EDA: variants seen among roughly 807,000 people sequenced by gnomAD.
The protein encoded by EDA is ectodysplasin A.
In EDA, 2 loss-of-function variants were observed where a neutral mutation model predicts 23.6. That is an observed-to-expected ratio of 0.08 (90% confidence interval 0.03 to 0.27). The LOEUF is 0.27. EDA is among the 10% of genes least tolerant of loss of function. EDA has a pLI of 1.00. For synonymous variants in EDA, 131 were observed against 132.0 expected (o/e 0.99, Z 0.05); for missense variants, 229 against 324.2 (o/e 0.71, Z 2.26).
chrX:69,815,715 G>A (rs1171830978), intron 1 of EDA, among the ~76,000 whole-genome samples: 3 of 112,063 alleles, frequency 2.7e-5, no homozygotes, highest in Non-Finnish European at 5.6e-5. Flanking sequence ...GCATAGGGGC[G>A]GCTGCCACCT....
intron 1 of EDA, among the ~76,000 whole-genome samples, chrX:69,732,939 A>T (rs1222284829): frequency 2.7e-5 from 3 of 109,881 alleles, no homozygotes; most frequent in African/African-American, 1.0e-4. Flanking sequence ...CCACTTTTTG[A>T]TGGGGTTGTT....
intron 1 of EDA, among the ~76,000 whole-genome samples, chrX:69,736,175 G>A (rs1160014703): frequency 3.7e-5 from 4 of 109,461 alleles, no homozygotes; most frequent in Admixed American, 1.9e-4. Flanking sequence ...GCGTGGTGGC[G>A]CATGCTGTAA....
At chrX:69,884,868 A>G (rs971488805) in intron 1 of EDA, among the ~76,000 whole-genome samples, 3 of 112,143 alleles carry the variant, frequency 2.7e-5, no homozygotes, top group African/African-American at 9.7e-5. Context: ...TAGTTACTCT[A>G]TGTTTCACTT....
In EDA at chrX:69,616,331, G is replaced by T. The variant is rs765962978; in HGVS notation, c.23G>T (p.Arg8Leu). Residue 8 changes from arginine to leucine, a missense_variant, in exon 1 of 8, where the codon CGC (arginine) becomes CTC (leucine). Around this residue, in one of 2 missense-constraint regions of EDA, gnomAD observed 54 missense variants for 42.4 expected, o/e 1.27. Transcript: ENST00000374552. MGYPEVE[R>L]RELLPAAAPR... Reference sequence around the variant, plus strand: ...GCCATGGGCTACCCGGAGGTGGAGCGCAGGGAACTCCTGCCTGCAGCAGCG... The same window carrying T: ...GCCATGGGCTACCCGGAGGTGGAGCTCAGGGAACTCCTGCCTGCAGCAGCG... 2 of 1,200,890 alleles carry T rather than the reference G, an allele frequency of 1.7e-6. No homozygotes were observed. The highest frequency in any genetic ancestry group is 5.9e-5 in the East Asian group (2 of 33,689).
chrX:69,854,385 G>A (rs1347432620), intron 1 of EDA, among the ~76,000 whole-genome samples: 1 of 110,812 alleles, frequency 9.0e-6, no homozygotes, highest in East Asian at 2.9e-4. Context: ...GTAGAGACAG[G>A]GTTTCACCAT....
Position 70,029,650 on chromosome X carries a change from C to T in EDA, c.741+112C>T, listed in dbSNP as rs374746017. ...GAGGCTTTATTTCATGAGAACACCC[C>T]GGAGATTCTGACGGTTTTCACTCAC... is the stretch of plus-strand genomic sequence containing the variant. On this transcript the variant is annotated intron_variant, in intron 5 of 7. Transcript: ENST00000374552. The T allele has an allele frequency of 6.1e-4, 496 of 812,938 alleles. No homozygotes were observed. The African/African-American group carries it at 8.0e-3, about 13-fold the overall frequency. 67.0% of individuals were successfully genotyped at this position (812,938 alleles called of 1,213,427 possible). A position where few individuals can be genotyped will look rare whatever the true frequency, so the allele number is the denominator to read the frequency against.
intron 1 of EDA, among the ~76,000 whole-genome samples, chrX:69,692,244 A>T (rs1294369102): frequency 9.0e-6 from 1 of 111,729 alleles, no homozygotes; most frequent in Non-Finnish European, 1.9e-5. Flanking sequence ...GTACAGTGGG[A>T]ATAATTGAAT....
At chrX:69,919,291 A>G (rs1602533933) in intron 1 of EDA, among the ~76,000 whole-genome samples, 1 of 112,527 alleles carries the variant, frequency 8.9e-6, no homozygotes, top group Non-Finnish European at 1.9e-5. Context: ...TTACTATGCA[A>G]CATGAGAATA....
chrX:69,648,390 C>T (rs931330339), intron 1 of EDA, among the ~76,000 whole-genome samples: 4 of 112,038 alleles, frequency 3.6e-5, no homozygotes, highest in Non-Finnish European at 5.6e-5. Flanking sequence ...ACCCTGGCTG[C>T]AGTGGCTGAA....
At chrX:69,627,417 C>CG (rs1373200413) in intron 1 of EDA, among the ~76,000 whole-genome samples, 1 of 111,174 alleles carries the variant, frequency 9.0e-6, no homozygotes, top group Non-Finnish European at 1.9e-5. Context: ...ATATATCATA[C>CG]AGATCATCCG....
intron 2 of EDA, among the ~76,000 whole-genome samples, chrX:69,968,077 A>G (rs2019199314): frequency 8.9e-6 from 1 of 111,885 alleles, no homozygotes; most frequent in African/African-American, 3.3e-5. Flanking sequence ...GGACACAAAG[A>G]TGCATAAAAT....
chrX:69,897,428 C>T (rs1322237321), intron 1 of EDA, among the ~76,000 whole-genome samples: 1 of 111,761 alleles, frequency 8.9e-6, no homozygotes, highest in Non-Finnish European at 1.9e-5. Flanking sequence ...AAGGGAGAAA[C>T]TTTGAGTTAT....
At chrX:69,949,904 T>C (rs2018888936) in intron 1 of EDA, among the ~76,000 whole-genome samples, 1 of 110,915 alleles carries the variant, frequency 9.0e-6, no homozygotes, top group African/African-American at 3.3e-5. Flanking sequence ...AAACTGAAAT[T>C]GGATCCCTTC....
intron 1 of EDA, among the ~76,000 whole-genome samples, chrX:69,858,482 G>A (rs1011949132): frequency 2.7e-5 from 3 of 111,997 alleles, no homozygotes; most frequent in Non-Finnish European, 5.6e-5. Context: ...TATCTATTGT[G>A]ATAATCATGT....
rs5936506 is a variant in EDA at position 69,828,308 on chromosome X, G to C, written c.397-128719G>C. 2.7e-5 allele frequency among the ~76,000 whole-genome samples: 3 copies of C among 110,858 alleles called. No homozygotes were observed. In the South Asian group the frequency reaches 1.2e-3, roughly 43 times the overall value. ...GCGCCCCTCTCCCAGCCTCGCTGCC[G>C]CCTTGCAGTTTGATCTCAGACTGCT... is the stretch of plus-strand genomic sequence containing the variant. On this transcript the variant is annotated intron_variant, in intron 1 of 7. Coordinates refer to ENST00000374552, the MANE Select transcript of EDA (RefSeq NM_001399.5).
chrX:69,768,826 G>A (rs745861833), intron 1 of EDA, among the ~76,000 whole-genome samples: 6 of 111,339 alleles, frequency 5.4e-5, no homozygotes, highest in South Asian at 3.8e-4. Context: ...CTTTCCTAAC[G>A]TAGGCATTTA....
chrX:69,711,094 G>A (rs762201103), intron 1 of EDA, among the ~76,000 whole-genome samples: 126 of 111,442 alleles, frequency 1.1e-3, no homozygotes, highest in African/African-American at 3.9e-3. Context: ...AATGCTTCCA[G>A]TTTTTGCCCA....
At chrX:69,782,724 A>G (rs768994809) in intron 1 of EDA, among the ~76,000 whole-genome samples, 2 of 112,054 alleles carry the variant, frequency 1.8e-5, no homozygotes, top group Admixed American at 9.5e-5. Flanking sequence ...TCTGTTGTAA[A>G]TTAACTGGTA....
chrX:69,885,889 G>A lies in EDA; in HGVS notation c.397-71138G>A, dbSNP rs943129115. Among the ~76,000 whole-genome samples, 8 of 111,904 alleles carry A rather than the reference G, an allele frequency of 7.1e-5. No homozygotes were observed. In the Admixed American group the frequency reaches 7.5e-4, roughly 11 times the overall value. On this transcript the variant is annotated intron_variant, in intron 1 of 7. Coordinates refer to ENST00000374552, the MANE Select transcript of EDA (RefSeq NM_001399.5). ...ATGCATACTACTGCCTCAGGAGAGA[G>A]GCCTACTAACCTCAGTATCAGATGT...
Sources: allele counts gnomAD v4.1 joint callset (sites outside exome capture counted in the v4.1 genomes callset), GRCh38; gene constraint gnomAD v4.1.1; regional missense constraint gnomAD v4.1.1; transcripts MANE v1.5; gene names NCBI Gene and HGNC (gene_info 2026-07-23, HGNC 2026-07-21).